DDX43: variants seen among roughly 807,000 people sequenced by gnomAD.
DDX43 encodes DEAD-box helicase 43.
A neutral mutation model predicts 84.9 loss-of-function variants in DDX43; 50 were observed. The ratio of observed to expected loss-of-function variants is 0.59; its 90% CI spans 0.47 to 0.75. The LOEUF (loss-of-function observed/expected upper bound fraction) is 0.75. Among genes scored for constraint, DDX43 ranks in the 30% least tolerant of loss-of-function variants. The pLI is 0.00. For missense variants in DDX43, 689 were observed against 798.6 expected, an observed-to-expected ratio of 0.86 and a Z score of 1.65; for synonymous variants, 291 against 266.3, an observed-to-expected ratio of 1.09 and a Z score of -0.90.
intron 9 of DDX43, 151 bp downstream of exon 9, chr6:73,408,252 T>C (rs1243369990): frequency 2.1e-5 from 14 of 669,410 alleles, no homozygotes; most frequent in Non-Finnish European, 3.5e-5. Flanking sequence ...CTGACCAATA[T>C]GATGAAACTC....
Position 73,407,958 on chromosome 6 carries a change from A to T in DDX43, c.1038-2A>T. 1.9e-6 allele frequency: 3 copies of T among 1,607,378 alleles called. No homozygotes were observed. Among genetic ancestry groups the T allele is most frequent in the Admixed American group, 1.7e-5 (1 of 57,834 alleles). The stretch of plus-strand genomic sequence containing the variant: ...TTAACCTTTAGATTTTTTCTTTTTA[A>T]GTGTTTGTGTATATGGTGGTGGAAA... On this transcript the variant is annotated splice_acceptor_variant, in intron 8 of 16. Coordinates refer to ENST00000370336, the MANE Select transcript of DDX43 (RefSeq NM_018665.3). LOFTEE classifies it high-confidence loss of function.
In DDX43 at chr6:73,414,040, C is replaced by G. The variant is rs776917903; in HGVS notation, c.1567C>G (p.Gln523Glu). The G allele has an allele frequency of 6.2e-7, 1 of 1,610,086 alleles. No homozygotes were observed. Among genetic ancestry groups the G allele is most frequent in the South Asian group, 1.1e-5 (1 of 90,954 alleles). Residue 523 changes from glutamine to glutamate, a missense_variant, in exon 13 of 17, where the codon CAG (glutamine) becomes GAG (glutamate). Physicochemically the swap from Gln to Glu is conservative, Grantham distance 29. Coordinates refer to ENST00000370336, the MANE Select transcript of DDX43 (RefSeq NM_018665.3). Reference sequence around the variant, plus strand: ...AGAGTCTCTGCATGGAGATAGAGAACAGAGAGATCGGGAGAAAGCATTAGA... The same window carrying G: ...AGAGTCTCTGCATGGAGATAGAGAAGAGAGAGATCGGGAGAAAGCATTAGA... The part of the protein sequence containing the change: ...SVESLHGDRE[Q>E]RDREKALENF...
At chr6:73,408,888 A>G (rs1161889944) in intron 9 of DDX43, among the ~76,000 whole-genome samples, 1 of 152,200 alleles carries the variant, frequency 6.6e-6, no homozygotes, top group Non-Finnish European at 1.5e-5. Context: ...CTGTAGGAAT[A>G]TTTCTCATTC....
At position 73,407,614 on chromosome 6, in the gene DDX43, A is replaced by C. The variant is rs1769708984; in HGVS notation, c.1036A>C (p.Ser346Arg). 6.3e-7 allele frequency: 1 copy of C among 1,597,194 alleles called. No homozygotes were observed. Among genetic ancestry groups the C allele is most frequent in the Admixed American group, 1.7e-5 (1 of 58,874 alleles). ...CAAATATTCATATAAAGGGCTTCGG[A>C]GGTAAGTAATTTTTTTTCCCATTCC... ...CCKYSYKGLR[S>R]VCVYGGGNRD... Residue 346 changes from serine (S) to arginine (R), a missense_variant and splice_region_variant, in exon 8 of 17, where the codon AGT (serine) becomes CGT (arginine). By Grantham distance (110) the Ser-to-Arg change is moderately radical. This residue lies in a region of DDX43 where 552 missense variants were observed against 692.7 expected (regional missense o/e 0.80). Transcript: ENST00000370336.
At position 73,413,985 on chromosome 6, in the gene DDX43, A is replaced by G. The variant is rs372525900; in HGVS notation, c.1512A>G (p.Ser504=). The G allele has an allele frequency of 4.4e-5, 71 of 1,610,472 alleles. 1 individual carries two copies. Among genetic ancestry groups the G allele is most frequent in the South Asian group, 9.9e-5 (9 of 91,014 alleles). ...TTTGCTTCAGTGCGGATCACTTATC[A>G]AGTGACCTAATACTTGGAAATATAT... The part of the protein sequence containing the change: ...VSRKAVADHL[S]SDLILGNISV... The change falls in exon 13 of 17, where the codon TCA becomes TCG. Residue 504 remains serine (S), a synonymous_variant. Transcript: ENST00000370336.
intron 10 of DDX43, among the ~76,000 whole-genome samples, chr6:73,409,709 T>G (rs1196761278): frequency 6.6e-6 from 1 of 152,202 alleles, no homozygotes; most frequent in Admixed American, 6.5e-5. Flanking sequence ...GAATGATATC[T>G]CCTAGGCTTA....
chr6:73,394,897 C>G lies in DDX43; in HGVS notation c.-9C>G, dbSNP rs191215626. The G allele has an allele frequency of 6.2e-7, 1 of 1,613,790 alleles. No individual in the cohort carries two copies. The highest frequency in any genetic ancestry group is 8.5e-7 in the Non-Finnish European group (1 of 1,179,744). ...GGCAACGACGTCGGACGCGCCCCTT[C>G]TTGGAACAATGTCCCACCACGGAGG... On this transcript the variant is annotated 5_prime_UTR_variant, in exon 1 of 17. Coordinates refer to ENST00000370336, the MANE Select transcript of DDX43 (RefSeq NM_018665.3).
intron 5 of DDX43, 78 bp downstream of exon 5, chr6:73,404,849 AATG>A: frequency 8.9e-6 from 10 of 1,123,798 alleles, no homozygotes; most frequent in Middle Eastern, 2.0e-4. Flanking sequence ...GCAAATGTGA[AATG>A]ATATTTGAAG....
At chr6:73,413,491 C>T in intron 11 of DDX43, 167 bp from the exon 12 acceptor site, 1 of 540,594 alleles carries the variant, frequency 1.8e-6, no homozygotes, top group Non-Finnish European at 3.1e-6. Context: ...ATCTAAGATA[C>T]AAATCTTGAG....
chr6:73,398,910 C>T (rs1013055583), intron 2 of DDX43, among the ~76,000 whole-genome samples: 1 of 152,172 alleles, frequency 6.6e-6, no homozygotes, highest in Admixed American at 6.5e-5. Context: ...TTTGTATCCT[C>T]TAATCATTCT....
chr6:73,396,279 A>T (rs1769469356), intron 1 of DDX43, among the ~76,000 whole-genome samples: 1 of 152,236 alleles, frequency 6.6e-6, no homozygotes, highest in Non-Finnish European at 1.5e-5. Context: ...TTTAAAAATG[A>T]TTAGAATGAT....
At chr6:73,413,615 A>G (rs1769845187) in intron 11 of DDX43, 43 bp from the exon 12 acceptor site, 1 of 1,595,850 alleles carries the variant, frequency 6.3e-7, no homozygotes, top group African/African-American at 1.3e-5. Flanking sequence ...TCTCACCCTC[A>G]ATCATGATGA....
chr6:73,399,193 C>T (rs1037805162), intron 2 of DDX43, among the ~76,000 whole-genome samples: 2 of 152,120 alleles, frequency 1.3e-5, no homozygotes, highest in Admixed American at 1.3e-4. Context: ...ATAATCCACC[C>T]GCCTCAGCCT....
chr6:73,404,965 T>C lies in DDX43; in HGVS notation c.650+194T>C, dbSNP rs114915687. ...TGCAGTGATGGAAAATGGTCTATAT[T>C]TGTGTCTAATGGAGTAACTGGCACT... On this transcript the variant is annotated intron_variant, in intron 5 of 16. Coordinates refer to ENST00000370336, the MANE Select transcript of DDX43 (RefSeq NM_018665.3). 8.5e-3 allele frequency among the ~76,000 whole-genome samples: 1,294 copies of C among 152,344 alleles called. 15 individuals carry two copies. The highest frequency in any genetic ancestry group is 0.03 in the African/African-American group (1,236 of 41,582).
chr6:73,405,969 T>C lies in DDX43; in HGVS notation c.807+134T>C, dbSNP rs767337665. On this transcript the variant is annotated intron_variant, in intron 6 of 16. Coordinates refer to ENST00000370336, the MANE Select transcript of DDX43 (RefSeq NM_018665.3). ...CCTTCTCCCTAGAGTTCAAAAAATC[T>C]TTGTTGAAAGAAGTTTGGAGCTGGG... 4.3e-4 allele frequency: 362 copies of C among 844,240 alleles called. 1 individual carries two copies. Among genetic ancestry groups the C allele is most frequent in the Middle Eastern group, 7.6e-4 (2 of 2,640 alleles). The allele number at this position is 844,240 out of a possible 1,614,324, so 52.3% of individuals were successfully genotyped here. A position where few individuals can be genotyped will look rare whatever the true frequency, so the allele number is the denominator to read the frequency against.
At chr6:73,416,814 G>A (rs1360367279) in intron 16 of DDX43, among the ~76,000 whole-genome samples, 1 of 152,128 alleles carries the variant, frequency 6.6e-6, no homozygotes, top group Non-Finnish European at 1.5e-5. Context: ...CAAGGCAGGC[G>A]GATCACTTGA....
At chr6:73,397,470 G>A (rs1004432044) in intron 1 of DDX43, among the ~76,000 whole-genome samples, 10 of 152,270 alleles carry the variant, frequency 6.6e-5, no homozygotes, top group Non-Finnish European at 1.5e-4. Context: ...AGCTGATACA[G>A]AATCCATAGT....
intron 5 of DDX43, 111 bp from the exon 6 acceptor site, chr6:73,405,568 A>G (rs1769660619): frequency 9.7e-7 from 1 of 1,032,366 alleles, no homozygotes; most frequent in Non-Finnish European, 1.4e-6. Context: ...TGACAGTCTC[A>G]TTTTAATCAG....
chr6:73,401,344 T>C (rs1769564748), intron 3 of DDX43, among the ~76,000 whole-genome samples: 1 of 152,210 alleles, frequency 6.6e-6, no homozygotes, highest in South Asian at 2.1e-4. Flanking sequence ...GAGTAATGGG[T>C]ATGACAATAT....
Sources: allele counts gnomAD v4.1 joint callset (sites outside exome capture counted in the v4.1 genomes callset), GRCh38; gene constraint gnomAD v4.1.1; regional missense constraint gnomAD v4.1.1; transcripts MANE v1.5; gene names NCBI Gene and HGNC (gene_info 2026-07-23, HGNC 2026-07-21).